ELF1: variants seen among roughly 807,000 people sequenced by gnomAD.
ELF1 encodes E74 like ETS transcription factor 1.
In ELF1, 24 loss-of-function variants were observed where a neutral mutation model predicts 59.9. That is an observed-to-expected ratio of 0.40 (90% CI 0.29 to 0.56). The LOEUF is 0.56. Ranked by LOEUF, ELF1 falls within the 20% of genes least tolerant of loss-of-function variation. ELF1 has a pLI of 0.44. For missense variants in ELF1, 627 were observed against 742.2 expected (o/e 0.84, Z 1.80); for synonymous variants, 248 against 266.2 (o/e 0.93, Z 0.67).
chr13:40,992,601 T>C (rs1243933562), intron 1 of ELF1, among the ~76,000 whole-genome samples: 4 of 151,212 alleles, frequency 2.6e-5, no homozygotes, highest in Non-Finnish European at 4.4e-5. Flanking sequence ...CATTTGGTTA[T>C]TGTCATCAAT....
intron 2 of ELF1, among the ~76,000 whole-genome samples, chr13:40,976,014 G>C (rs1430309067): frequency 3.9e-5 from 6 of 152,166 alleles, no homozygotes; most frequent in Admixed American, 1.3e-4. Context: ...CTGATAATAA[G>C]CAACATAGAA....
chr13:40,969,109 T>C (rs1872367663), intron 2 of ELF1, among the ~76,000 whole-genome samples: 1 of 152,202 alleles, frequency 6.6e-6, no homozygotes, highest in Non-Finnish European at 1.5e-5. Flanking sequence ...AACACATTGG[T>C]CTAAATTATA....
chr13:40,954,420 G>GCTCTTCCTCTCCCTCCTCTCC (rs1555272333), intron 3 of ELF1, among the ~76,000 whole-genome samples: 4 of 148,258 alleles, frequency 2.7e-5, no homozygotes, highest in Non-Finnish European at 6.0e-5. Context: ...AAAGTGTGTA[G>GCTCTTCCTCTCCCTCCTCTCC]CTCTCCCTCT....
chr13:40,949,719 G>A lies in ELF1; in HGVS notation c.529+87C>T. On this transcript the variant is annotated intron_variant, in intron 5 of 8. Transcript: ENST00000239882. Reference sequence around the variant, plus strand: ...TTTTCTTACATAAGTTTTAACTGCAGCAGGAAAGAACTATGTAGAATAAAA... The same window carrying A: ...TTTTCTTACATAAGTTTTAACTGCAACAGGAAAGAACTATGTAGAATAAAA... 3.5e-6 allele frequency: 5 copies of A among 1,415,548 alleles called. No homozygotes were observed. The South Asian group carries it at 7.8e-5, about 22-fold the overall frequency. The allele number at this position is 1,415,548 out of a possible 1,614,324, so 87.7% of individuals were successfully genotyped here. A position where few individuals can be genotyped will look rare whatever the true frequency, so the allele number is the denominator to read the frequency against.
In ELF1 at chr13:40,955,948, C is replaced by CG. The variant is rs1384588049; in HGVS notation, c.253+2887dup. On this transcript the variant is annotated intron_variant, in intron 3 of 8. Transcript: ENST00000239882. The stretch of plus-strand genomic sequence containing the variant: ...CCAGCCGCCCCGTCCGGGAGGGAGG[C>CG]GGGGGGGTCAGCCCCCCGCCCGGCC... Among the ~76,000 whole-genome samples the CG allele has an allele frequency of 1.9e-3, 195 of 104,504 alleles. 3 individuals carry two copies. Among genetic ancestry groups the CG allele is most frequent in the African/African-American group, 6.8e-3 (172 of 25,388 alleles). 68.6% of individuals were successfully genotyped at this position (104,504 alleles called of 152,430 possible).
chr13:41,060,889 G>A (rs1388915390), exon 1 of ELF1: 6 of 338,514 alleles, frequency 1.8e-5, no homozygotes, highest in African/African-American at 1.0e-4. Flanking sequence ...CGCCACCGCC[G>A]CCTCTGCGCT....
In ELF1 at chr13:41,027,135, G is replaced by A. The variant is rs7334016; in HGVS notation, c.-229+33703C>T. ...GAAATGGCCAGATGTGTGATTATAC[G>A]TCAATGCATAGGCAATAGATAATGG... is the stretch of plus-strand genomic sequence containing the variant. On this transcript the variant is annotated intron_variant, in intron 1 of 1. Coordinates refer to the ELF1 transcript ENST00000405737. Among the ~76,000 whole-genome samples the A allele has an allele frequency of 3.2e-3, 480 of 152,352 alleles. 7 individuals carry two copies. The East Asian group carries it at 0.049, about 15-fold the overall frequency.
intron 2 of ELF1, among the ~76,000 whole-genome samples, chr13:40,979,129 G>C (rs1873102339): frequency 6.6e-6 from 1 of 151,656 alleles, no homozygotes; most frequent in Non-Finnish European, 1.5e-5. Context: ...CCTTTTAAAA[G>C]AATATTTGTA....
chr13:41,001,410 A>T (rs1274965871), intron 1 of ELF1, among the ~76,000 whole-genome samples: 3 of 152,168 alleles, frequency 2.0e-5, no homozygotes, highest in Admixed American at 2.0e-4. Flanking sequence ...CAACATAGCA[A>T]GACTCCATCT....
At chr13:41,008,415 T>C (rs1268418606) in intron 1 of ELF1, among the ~76,000 whole-genome samples, 1 of 152,192 alleles carries the variant, frequency 6.6e-6, no homozygotes, top group Non-Finnish European at 1.5e-5. Flanking sequence ...AAAATCAGAA[T>C]TTTGGAAAAC....
At chr13:40,968,855 G>C (rs879458584) in intron 2 of ELF1, among the ~76,000 whole-genome samples, 1 of 151,934 alleles carries the variant, frequency 6.6e-6, no homozygotes, top group Non-Finnish European at 1.5e-5. Flanking sequence ...GAATAGCTGG[G>C]AGAACAGGCA....
chr13:40,933,461 C>CA lies in ELF1; in HGVS notation c.1823dup (p.Met608IlefsTer35). 6.2e-7 allele frequency: 1 copy of CA among 1,614,038 alleles called. No individual in the cohort carries two copies. The highest frequency in any genetic ancestry group is 8.5e-7 in the Non-Finnish European group (1 of 1,179,960). ...TGGGTTCCAGCAGTTCGTTTTGTTTCATAGCTACCTGAGAAGTAAATCCAT... is the reference window on the plus strand; with the variant it reads ...TGGGTTCCAGCAGTTCGTTTTGTTTCAATAGCTACCTGAGAAGTAAATCCAT... On this transcript the variant is annotated frameshift_variant, in exon 9 of 9. Coordinates refer to ENST00000239882, the MANE Select transcript of ELF1 (RefSeq NM_172373.4). LOFTEE classifies it high-confidence loss of function.
At chr13:40,993,446 A>C in intron 1 of ELF1, 1 of 623,404 alleles carries the variant, frequency 1.6e-6, no homozygotes, top group South Asian at 2.0e-5. Context: ...GTTTGCTACT[A>C]TCCGCCCAAC....
intron 8 of ELF1, among the ~76,000 whole-genome samples, chr13:40,934,667 G>A (rs1266384685): frequency 3.3e-5 from 5 of 151,926 alleles, no homozygotes; most frequent in East Asian, 1.9e-4. Flanking sequence ...TGATCCACCC[G>A]CCTCGGCCTC....
intron 2 of ELF1, among the ~76,000 whole-genome samples, chr13:40,971,115 T>A (rs1872523092): frequency 6.6e-6 from 1 of 151,162 alleles, no homozygotes; most frequent in African/African-American, 2.4e-5. Flanking sequence ...ATCCTATAGA[T>A]AAACTACTTA....
chr13:40,936,771 AAAAAAAG>A (rs1869806221), intron 8 of ELF1, among the ~76,000 whole-genome samples: 1 of 148,490 alleles, frequency 6.7e-6, no homozygotes, highest in Non-Finnish European at 1.5e-5. Flanking sequence ...AAAAAAAAAA[AAAAAAAG>A]AAAAAAAAGA....
chr13:40,947,314 G>A (rs945242729), intron 5 of ELF1, among the ~76,000 whole-genome samples: 3 of 152,094 alleles, frequency 2.0e-5, no homozygotes, highest in Non-Finnish European at 4.4e-5. Flanking sequence ...AGGTCGAGGC[G>A]GTGGACCACT....
At chr13:41,054,739 C>T (rs75835811) in intron 1 of ELF1, among the ~76,000 whole-genome samples, 4 of 152,232 alleles carry the variant, frequency 2.6e-5, no homozygotes, top group Middle Eastern at 3.4e-3. Flanking sequence ...AGTCCTTGAC[C>T]TTTGTCAAGG....
At chr13:40,960,235 A>C (rs1239810193) in intron 2 of ELF1, among the ~76,000 whole-genome samples, 1 of 152,176 alleles carries the variant, frequency 6.6e-6, no homozygotes, top group East Asian at 1.9e-4. Context: ...CATTATCCAA[A>C]TTTCTAATTG....
Sources: gnomAD v4.1 joint callset for allele counts (sites outside exome capture counted in the v4.1 genomes callset) on GRCh38, gnomAD v4.1.1 for gene constraint, MANE v1.5 for transcripts, NCBI Gene and HGNC (gene_info 2026-07-23, HGNC 2026-07-21) for gene names.